EVL: variants seen among roughly 807,000 people sequenced by gnomAD.
The protein encoded by EVL is Enah/Vasp-like, also known as ena/VASP-like protein.
A neutral mutation model predicts 59.6 loss-of-function variants in EVL; 21 were observed. That is an observed-to-expected ratio of 0.35 (90% CI 0.25 to 0.51). EVL has a LOEUF of 0.51. Ranked by LOEUF, EVL falls within the 20% of genes least tolerant of loss-of-function variation. The pLI, the probability that EVL is intolerant of heterozygous loss-of-function variation, is 0.97. For missense variants in EVL, 462 were observed against 546.6 expected (o/e 0.85, Z 1.54); for synonymous variants, 198 against 203.5 (o/e 0.97, Z 0.23).
chr14:100,130,050 G>A lies in EVL; in HGVS notation c.839+366G>A, dbSNP rs1208399450. 1.3e-5 allele frequency among the ~76,000 whole-genome samples: 2 copies of A among 152,242 alleles called. No individual in the cohort carries two copies. Among genetic ancestry groups the A allele is most frequent in the East Asian group, 1.9e-4 (1 of 5,200 alleles). ...GAAATAAGATGTGGCCGCAGTGGTC[G>A]AGTTTGCAGAGGACACTCTGGTGAA... On this transcript the variant is annotated intron_variant, in intron 7 of 13. Transcript: ENST00000392920. The surrounding 1 kb of genome is among the most constrained non-coding windows in gnomAD (Gnocchi z 4.8).
At chr14:100,115,251 G>A (rs1887262514) in intron 3 of EVL, among the ~76,000 whole-genome samples, 1 of 152,182 alleles carries the variant, frequency 6.6e-6, no homozygotes, top group Non-Finnish European at 1.5e-5. Context: ...CAGTGGGGGT[G>A]GGGTGTCCTG....
chr14:100,032,002 T>C (rs532849133), intron 1 of EVL, among the ~76,000 whole-genome samples: 1 of 152,344 alleles, frequency 6.6e-6, no homozygotes, highest in South Asian at 2.1e-4. Flanking sequence ...TTACCACTCT[T>C]ATTCATTTTT....
intron 3 of EVL, chr14:100,107,638 A>T: frequency 1.1e-5 from 2 of 186,436 alleles, no homozygotes; most frequent in Non-Finnish European, 2.1e-5. Context: ...TGGTGAGGAG[A>T]GGGTTGAGTA....
intron 1 of EVL, among the ~76,000 whole-genome samples, chr14:100,073,377 A>G (rs562235617): frequency 6.9e-6 from 1 of 144,720 alleles, no homozygotes; most frequent in Admixed American, 7.1e-5. Flanking sequence ...GATGGAGTGC[A>G]GTGGTGCAAA....
At chr14:99,971,988 CCCGCCGCCG>C (rs563451637) in exon 1 of EVL, 36 of 148,162 alleles carry the variant, frequency 2.4e-4, no homozygotes, top group South Asian at 8.9e-4. Flanking sequence ...CGTCCCGCGC[CCCGCCGCCG>C]CCGCCGCCGC....
At chr14:100,041,411 TC>T (rs1380243505) in intron 1 of EVL, among the ~76,000 whole-genome samples, 1 of 152,156 alleles carries the variant, frequency 6.6e-6, no homozygotes, top group Admixed American at 6.5e-5. Flanking sequence ...ACGTGAACTG[TC>T]CTGTGGTGCA....
At chr14:100,016,995 G>C (rs1196824093) in intron 1 of EVL, among the ~76,000 whole-genome samples, 1 of 152,230 alleles carries the variant, frequency 6.6e-6, no homozygotes, top group Non-Finnish European at 1.5e-5. Flanking sequence ...TCCTCTTCTG[G>C]AGGCAGCCTG....
chr14:100,130,642 C>A lies in EVL; in HGVS notation c.839+958C>A, dbSNP rs1286832456. Among the ~76,000 whole-genome samples, 1 of 152,220 alleles carries A rather than the reference C, an allele frequency of 6.6e-6. No individual in the cohort carries two copies. Among genetic ancestry groups the A allele is most frequent in the Admixed American group, 6.5e-5 (1 of 15,288 alleles). Reference sequence around the variant, plus strand: ...GTCCTAGTTCCTCTCATTACCTTCCCGTGGCTCCATGAGGATGATGCGAGA... The same window carrying A: ...GTCCTAGTTCCTCTCATTACCTTCCAGTGGCTCCATGAGGATGATGCGAGA... On this transcript the variant is annotated intron_variant, in intron 7 of 13. Transcript: ENST00000392920. The surrounding 1 kb of genome is among the most constrained non-coding windows in gnomAD (Gnocchi z 4.8).
Position 100,066,894 on chromosome 14 carries a change from C to G in EVL, c.11+1383C>G, listed in dbSNP as rs74564057. 5.9e-3 allele frequency among the ~76,000 whole-genome samples: 894 copies of G among 152,310 alleles called. 6 individuals carry two copies. Among genetic ancestry groups the G allele is most frequent in the African/African-American group, 0.021 (853 of 41,542 alleles). On this transcript the variant is annotated intron_variant, in intron 1 of 13. Coordinates refer to ENST00000392920, the MANE Select transcript of EVL (RefSeq NM_016337.3). ...ATTCTCCACTTCAGCCAAAATAACT[C>G]TGCTTTTATGTTTTCTATGTATTCC...
intron 2 of EVL, among the ~76,000 whole-genome samples, chr14:100,093,130 A>G (rs2062599889): frequency 6.6e-6 from 1 of 152,248 alleles, no homozygotes; most frequent in South Asian, 2.1e-4. Flanking sequence ...CACCTCAACA[A>G]ATGGTCAAGT....
At chr14:100,136,029 C>G (rs1390792877) in intron 9 of EVL, 61 bp downstream of exon 9, 1 of 1,575,672 alleles carries the variant, frequency 6.3e-7, no homozygotes, top group Non-Finnish European at 8.7e-7. Context: ...GGAGGGGGGA[C>G]CCTTCGGACA....
intron 3 of EVL, chr14:100,105,899 G>GT (rs1886537473): frequency 6.6e-6 from 1 of 152,236 alleles, no homozygotes; most frequent in African/African-American, 2.4e-5. Context: ...TCTGCAGAAA[G>GT]TTTGACTGTC....
intron 1 of EVL, among the ~76,000 whole-genome samples, chr14:99,979,245 C>A (rs1204553458): frequency 1.3e-5 from 2 of 151,530 alleles, no homozygotes; most frequent in African/African-American, 4.8e-5. Context: ...AAAAAAACAA[C>A]AACAAAAAAA....
At chr14:100,121,051 A>G (rs1887665598) in intron 3 of EVL, among the ~76,000 whole-genome samples, 2 of 152,194 alleles carry the variant, frequency 1.3e-5, no homozygotes, top group Admixed American at 6.5e-5. Context: ...GGTGGCTCCA[A>G]GGTGCTCATC....
At chr14:100,101,274 C>G (rs148920379) in intron 3 of EVL, among the ~76,000 whole-genome samples, 1,986 of 152,228 alleles carry the variant, frequency 0.013, 36 homozygotes, top group African/African-American at 0.045. Context: ...CACCTGAGGT[C>G]GGGAGTTCCA....
chr14:99,994,285 G>C (rs1441883382), intron 1 of EVL, among the ~76,000 whole-genome samples: 3 of 151,816 alleles, frequency 2.0e-5, no homozygotes, highest in Non-Finnish European at 2.9e-5. Flanking sequence ...TACTGATTGG[G>C]AAGGATTTAC....
chr14:100,102,947 C>T (rs974050876), intron 3 of EVL, among the ~76,000 whole-genome samples: 2 of 151,928 alleles, frequency 1.3e-5, no homozygotes, highest in Non-Finnish European at 2.9e-5. Context: ...AGAAAAAATA[C>T]AAAAATTAGC....
chr14:100,022,619 A>G (rs1367252024), intron 1 of EVL, among the ~76,000 whole-genome samples: 1 of 152,274 alleles, frequency 6.6e-6, no homozygotes. Flanking sequence ...ATTTTGACTC[A>G]GATGCATTTA....
intron 1 of EVL, among the ~76,000 whole-genome samples, chr14:99,981,072 CAA>C (rs750621318): frequency 1.5e-4 from 19 of 125,930 alleles, no homozygotes; most frequent in Non-Finnish European, 1.2e-4. Flanking sequence ...GATCCTATCT[CAA>C]AAAAAAAAAA....
Sources: gnomAD v4.1 joint callset for allele counts (sites outside exome capture counted in the v4.1 genomes callset) on GRCh38, gnomAD v4.1.1 for gene constraint, Gnocchi (gnomAD v3.1) non-coding constraint, MANE v1.5 for transcripts, NCBI Gene and HGNC (gene_info 2026-07-23, HGNC 2026-07-21) for gene names.